RSPO1: variants seen among roughly 807,000 people sequenced by gnomAD.
RSPO1 encodes the protein R-spondin 1, also known as R-spondin-1.
A neutral mutation model predicts 26.0 loss-of-function variants in RSPO1; 18 were observed. The observed-to-expected ratio is 0.69, with a 90% CI of 0.48 to 1.03. The LOEUF is 1.03. Among genes scored for constraint, RSPO1 ranks in the 50% least tolerant of loss-of-function variants. The pLI is 0.00. For missense variants in RSPO1, 309 were observed against 352.3 expected, an observed-to-expected ratio of 0.88 and a Z score of 0.98; for synonymous variants, 133 against 137.4, an observed-to-expected ratio of 0.97 and a Z score of 0.22.
At position 37,612,735 on chromosome 1, in the gene RSPO1, C is replaced by T. The variant is rs759731020; in HGVS notation, c.*20G>A. On this transcript the variant is annotated 3_prime_UTR_variant, in exon 7 of 7. Coordinates refer to ENST00000356545, the MANE Select transcript of RSPO1 (RefSeq NM_001242908.2). ...AGCACTGAACTCTTTCTGCATGGGC[C>T]TGGAGGCTGGACAGTGTCCCTAGGC... 4.4e-6 allele frequency: 7 copies of T among 1,607,460 alleles called. No individual in the cohort carries two copies. The highest frequency in any genetic ancestry group is 5.9e-6 in the Non-Finnish European group (7 of 1,179,838).
chr1:37,620,365 TA>T (rs1644181796), intron 3 of RSPO1, among the ~76,000 whole-genome samples: 1 of 151,972 alleles, frequency 6.6e-6, no homozygotes, highest in Admixed American at 6.6e-5. Flanking sequence ...AAAATAATAA[TA>T]GACTGGCCAA....
intron 3 of RSPO1, among the ~76,000 whole-genome samples, chr1:37,628,318 G>A (rs1250859471): frequency 6.6e-6 from 1 of 152,234 alleles, no homozygotes; most frequent in Non-Finnish European, 1.5e-5. Flanking sequence ...CCTTGCTGCT[G>A]ATTAAACCTA....
chr1:37,625,262 G>A lies in RSPO1; in HGVS notation c.94+4306C>T, dbSNP rs187464087. Among the ~76,000 whole-genome samples the A allele has an allele frequency of 7.2e-5, 11 of 152,348 alleles. 1 individual carries two copies. The East Asian group carries it at 1.7e-3, about 24-fold the overall frequency. On this transcript the variant is annotated intron_variant, in intron 3 of 6. Coordinates refer to ENST00000356545, the MANE Select transcript of RSPO1 (RefSeq NM_001242908.2). Reference sequence around the variant, plus strand: ...AGGATAAGGCTCCACAAGGGTATAAGGTTGAGGATATGGTGAATGAGACAG... The same window carrying A: ...AGGATAAGGCTCCACAAGGGTATAAAGTTGAGGATATGGTGAATGAGACAG...
rs750795562 is a variant in RSPO1 at position 37,612,853 on chromosome 1, T to C, written c.694A>G (p.Ser232Gly). ...CGAGAGCCAGCACCCGCCTCCTTGC[T>C]CTCCTTCCTGGCCAGGTTCCTGTTG... ...NANRNLARKE[S>G]KEAGAGSRRR... Residue 232 changes from serine to glycine, a missense_variant, in exon 7 of 7, where the codon AGC becomes GGC. Coordinates refer to ENST00000356545, the MANE Select transcript of RSPO1 (RefSeq NM_001242908.2). 1 of 1,614,014 alleles carries C rather than the reference T, an allele frequency of 6.2e-7. No homozygotes were observed. Among genetic ancestry groups the C allele is most frequent in the Non-Finnish European group, 8.5e-7 (1 of 1,180,024 alleles).
At chr1:37,622,440 T>C (rs554568277) in intron 3 of RSPO1, among the ~76,000 whole-genome samples, 1 of 152,094 alleles carries the variant, frequency 6.6e-6, no homozygotes, top group Admixed American at 6.5e-5. Flanking sequence ...GAGTCCAGGA[T>C]TTCGAGGCTG....
At chr1:37,623,409 CG>C (rs1458753968) in intron 3 of RSPO1, among the ~76,000 whole-genome samples, 2 of 152,012 alleles carry the variant, frequency 1.3e-5, no homozygotes, top group African/African-American at 2.4e-5. Flanking sequence ...GGAGCTGGAA[CG>C]TGGAGGTATA....
chr1:37,632,127 A>C (rs1237767566), intron 2 of RSPO1, 160 bp downstream of exon 2: 1 of 152,196 alleles, frequency 6.6e-6, no homozygotes, highest in Non-Finnish European at 1.5e-5. Flanking sequence ...TCCCCTATGC[A>C]TCTCTGCATT....
At chr1:37,628,740 A>C (rs140796319) in intron 3 of RSPO1, among the ~76,000 whole-genome samples, 13 of 152,238 alleles carry the variant, frequency 8.5e-5, no homozygotes, top group African/African-American at 3.1e-4. Context: ...ACCTCCATCA[A>C]ATTCGGCTTT....
intron 3 of RSPO1, among the ~76,000 whole-genome samples, chr1:37,618,225 G>A (rs1171827501): frequency 6.6e-6 from 1 of 152,200 alleles, no homozygotes. Flanking sequence ...ACTATGAATA[G>A]GAGAATGTGG....
intron 2 of RSPO1, among the ~76,000 whole-genome samples, chr1:37,630,880 CAG>C (rs2148186328): frequency 6.6e-6 from 1 of 152,356 alleles, no homozygotes; most frequent in Non-Finnish European, 1.5e-5. Context: ...GCCAATAGCA[CAG>C]AGTCTCTGTA....
chr1:37,630,138 C>T (rs1034958200), intron 2 of RSPO1, among the ~76,000 whole-genome samples, 189 bp from the exon 3 acceptor site: 7 of 152,198 alleles, frequency 4.6e-5, no homozygotes, highest in East Asian at 1.9e-4. Flanking sequence ...GGACCGGAGC[C>T]GGCAACCTGT....
intron 3 of RSPO1, among the ~76,000 whole-genome samples, chr1:37,624,734 A>G (rs987516174): frequency 1.3e-5 from 2 of 152,122 alleles, no homozygotes; most frequent in Non-Finnish European, 2.9e-5. Context: ...ATCCCCAGGA[A>G]TCTTTCTTAA....
intron 3 of RSPO1, among the ~76,000 whole-genome samples, chr1:37,622,382 G>A (rs1302715629): frequency 1.3e-5 from 2 of 152,222 alleles, no homozygotes; most frequent in African/African-American, 2.4e-5. Flanking sequence ...ACTGTTGGCT[G>A]GCATGGCGGC....
chr1:37,633,863 C>T (rs1373323270), intron 1 of RSPO1, among the ~76,000 whole-genome samples: 1 of 152,174 alleles, frequency 6.6e-6, no homozygotes, highest in African/African-American at 2.4e-5. Flanking sequence ...CAACAGGTGC[C>T]GAGGGAGACG....
chr1:37,612,506 G>A lies in RSPO1; in HGVS notation c.*249C>T. On this transcript the variant is annotated 3_prime_UTR_variant, in exon 7 of 7. Transcript: ENST00000356545. Reference sequence around the variant, plus strand: ...TGTCTTCTGGTGGCCTCAGGTGTGTGTGTGTGTGTGTGTGTATGTGTGTGT... The same window carrying A: ...TGTCTTCTGGTGGCCTCAGGTGTGTATGTGTGTGTGTGTGTATGTGTGTGT... 1.7e-6 allele frequency: 1 copy of A among 581,784 alleles called. No homozygotes were observed. Among genetic ancestry groups the A allele is most frequent in the Non-Finnish European group, 3.1e-6 (1 of 322,638 alleles). The allele number at this position is 581,784 out of a possible 1,614,324, so 36.0% of individuals were successfully genotyped here.
At chr1:37,633,513 G>C (rs1644389264) in intron 1 of RSPO1, among the ~76,000 whole-genome samples, 1 of 152,208 alleles carries the variant, frequency 6.6e-6, no homozygotes, top group African/African-American at 2.4e-5. Context: ...AATACCGTCA[G>C]AATAAAGTGG....
chr1:37,631,639 C>T (rs1644362603), intron 2 of RSPO1, among the ~76,000 whole-genome samples: 1 of 152,136 alleles, frequency 6.6e-6, no homozygotes, highest in African/African-American at 2.4e-5. Flanking sequence ...CTGGTCTGAG[C>T]CTGTTTTCTT....
intron 3 of RSPO1, among the ~76,000 whole-genome samples, chr1:37,619,483 T>G (rs919396449): frequency 6.6e-6 from 1 of 152,324 alleles, no homozygotes; most frequent in African/African-American, 2.4e-5. Flanking sequence ...GGAGTGAGTC[T>G]ATGCTGCAGG....
intron 3 of RSPO1, among the ~76,000 whole-genome samples, chr1:37,628,443 C>T (rs989228738): frequency 4.6e-5 from 7 of 152,338 alleles, no homozygotes; most frequent in African/African-American, 1.7e-4. Flanking sequence ...AGCAAAACCC[C>T]ACTGCTTTTC....
Sources: gnomAD v4.1 joint callset for allele counts (sites outside exome capture counted in the v4.1 genomes callset) on GRCh38, gnomAD v4.1.1 for gene constraint, MANE v1.5 for transcripts, NCBI Gene and HGNC (gene_info 2026-07-23, HGNC 2026-07-21) for gene names.